The following MAGI2 variants were observed in gnomAD, a reference collection of about 807,000 sequenced individuals.
MAGI2 encodes the protein membrane associated guanylate kinase, WW and PDZ domain containing 2.
A neutral mutation model predicts 133.3 loss-of-function variants in MAGI2; 35 were observed. The ratio of observed to expected loss-of-function variants is 0.26; its 90% CI spans 0.20 to 0.35. MAGI2 has a LOEUF of 0.35. Ranked by LOEUF, MAGI2 falls within the 10% of genes least tolerant of loss-of-function variation. The probability of loss-of-function intolerance (pLI) is 1.00; values close to 1 mark genes in which losing one functional copy is unlikely to be tolerated. For missense variants in MAGI2, 1,636 were observed against 1,863.4 expected (o/e 0.88, Z 2.25); for synonymous variants, 729 against 710.6 (o/e 1.03, Z -0.41).
intron 1 of MAGI2, among the ~76,000 whole-genome samples, chr7:79,264,031 A>G (rs749485790): frequency 6.6e-6 from 1 of 152,180 alleles, no homozygotes. Context: ...TAAAATTTTC[A>G]AGAAGCCACC....
intron 1 of MAGI2, among the ~76,000 whole-genome samples, chr7:79,183,861 C>T (rs1405826980): frequency 3.3e-5 from 5 of 151,702 alleles, no homozygotes; most frequent in Non-Finnish European, 1.5e-5. Context: ...GAGTGTATTA[C>T]ATTAAGTAAA....
chr7:79,391,102 A>T (rs1188049629), intron 1 of MAGI2, among the ~76,000 whole-genome samples: 2 of 152,210 alleles, frequency 1.3e-5, no homozygotes, highest in Non-Finnish European at 1.5e-5. Context: ...CAGTTTTTAC[A>T]TAAAGAACTT....
chr7:79,316,526 A>T (rs1218496210), intron 1 of MAGI2, among the ~76,000 whole-genome samples: 1 of 152,198 alleles, frequency 6.6e-6, no homozygotes, highest in Non-Finnish European at 1.5e-5. Flanking sequence ...TCTGTATTTG[A>T]AGAAACTTTT....
At chr7:78,169,785 C>T (rs1248700766) in intron 14 of MAGI2, among the ~76,000 whole-genome samples, 1 of 152,240 alleles carries the variant, frequency 6.6e-6, no homozygotes, top group Non-Finnish European at 1.5e-5. Flanking sequence ...AGACTGGCTG[C>T]ACAGTGCAGT....
intron 2 of MAGI2, among the ~76,000 whole-genome samples, chr7:78,888,606 C>A (rs1182863545): frequency 6.6e-6 from 1 of 152,206 alleles, no homozygotes; most frequent in East Asian, 1.9e-4. Flanking sequence ...ACTGCTGATA[C>A]CCATGCAAAC....
chr7:78,779,163 C>A (rs1479553743), intron 2 of MAGI2, among the ~76,000 whole-genome samples: 1 of 152,130 alleles, frequency 6.6e-6, no homozygotes, highest in African/African-American at 2.4e-5. Flanking sequence ...GCTTCGGCAT[C>A]CCAAAGTGCT....
At chr7:78,921,270 G>A (rs1799201154) in intron 2 of MAGI2, among the ~76,000 whole-genome samples, 1 of 152,030 alleles carries the variant, frequency 6.6e-6, no homozygotes, top group African/African-American at 2.4e-5. Context: ...TTATGCTTAG[G>A]TGCTATGACC....
chr7:78,251,915 A>T (rs965621075), intron 10 of MAGI2: 5 of 152,144 alleles, frequency 3.3e-5, no homozygotes, highest in Non-Finnish European at 7.4e-5. Flanking sequence ...TAGAGGCAGG[A>T]GGATTGCGTG....
chr7:78,282,570 C>A (rs897867309), intron 9 of MAGI2, among the ~76,000 whole-genome samples: 1 of 152,046 alleles, frequency 6.6e-6, no homozygotes, highest in Non-Finnish European at 1.5e-5. Context: ...TGTTTGCTGA[C>A]CCCTGCCTTA....
At chr7:78,501,445 A>G in intron 5 of MAGI2, 132 bp downstream of exon 5, 1 of 761,694 alleles carries the variant, frequency 1.3e-6, no homozygotes, top group South Asian at 1.9e-5. Flanking sequence ...CTATTCTCTC[A>G]CAAATAAAAA....
chr7:78,285,756 T>C (rs986878529), intron 9 of MAGI2: 2 of 152,072 alleles, frequency 1.3e-5, no homozygotes, highest in Non-Finnish European at 2.9e-5. Flanking sequence ...CTGCGTGGGG[T>C]CCAAGATTCT....
Position 79,453,415 on chromosome 7 carries a change from G to A in MAGI2, c.-95C>T, listed in dbSNP as rs972649817. The A allele has an allele frequency of 1.9e-5, 29 of 1,508,098 alleles. No homozygotes were observed. Among genetic ancestry groups the A allele is most frequent in the African/African-American group, 7.0e-5 (5 of 71,602 alleles). 93.4% of individuals were successfully genotyped at this position (1,508,098 alleles called of 1,614,324 possible). A position where few individuals can be genotyped will look rare whatever the true frequency, so the allele number is the denominator to read the frequency against. ...GATGGAGGAGCAAGGGGGCCCAGGG[G>A]GAAGAACAGCAGACTTTGCCTTCGC... On this transcript the variant is annotated 5_prime_UTR_variant, in exon 1 of 22. Transcript: ENST00000354212.
At chr7:78,532,773 T>A (rs912911938) in intron 3 of MAGI2, among the ~76,000 whole-genome samples, 1 of 152,200 alleles carries the variant, frequency 6.6e-6, no homozygotes, top group Non-Finnish European at 1.5e-5. Context: ...AAATTTTCTT[T>A]AGCCTTTTGG....
At chr7:79,074,849 G>A (rs972289061) in intron 1 of MAGI2, among the ~76,000 whole-genome samples, 3 of 152,150 alleles carry the variant, frequency 2.0e-5, no homozygotes, top group Non-Finnish European at 2.9e-5. Context: ...ATTCAGCTAC[G>A]ATATAGAGAC....
rs768484578 is a variant in MAGI2, at chr7:78,018,078, G to A, written c.*1237C>T. The A allele has an allele frequency of 7.2e-5, 11 of 152,156 alleles. No individual in the cohort carries two copies. Among genetic ancestry groups the A allele is most frequent in the Non-Finnish European group, 1.5e-4 (10 of 68,034 alleles). The allele number at this position is 152,156 out of a possible 1,614,324, so 9.4% of individuals were successfully genotyped here. A position where few individuals can be genotyped will look rare whatever the true frequency, so the allele number is the denominator to read the frequency against. ...AAAGGCAAGACTTAGAATTTTACTA[G>A]GAGGTCAATCATAGATCCATGAAGA... On this transcript the variant is annotated 3_prime_UTR_variant, in exon 22 of 22. Transcript: ENST00000354212.
chr7:78,076,621 T>C (rs892458257), intron 21 of MAGI2, among the ~76,000 whole-genome samples: 1 of 143,096 alleles, frequency 7.0e-6, no homozygotes, highest in Admixed American at 6.9e-5. Context: ...CCGAGGCGGG[T>C]GGATCATGAG....
At chr7:79,020,131 T>C (rs1584700179) in intron 1 of MAGI2, among the ~76,000 whole-genome samples, 1 of 152,132 alleles carries the variant, frequency 6.6e-6, no homozygotes, top group East Asian at 1.9e-4. Context: ...GAGGAACTTG[T>C]TGGGAACAGG....
chr7:79,001,148 C>T (rs192903396), intron 2 of MAGI2, among the ~76,000 whole-genome samples: 18 of 152,276 alleles, frequency 1.2e-4, no homozygotes, highest in African/African-American at 3.6e-4. Flanking sequence ...ATCTCTTGAC[C>T]TTGTGATCCT....
intron 2 of MAGI2, among the ~76,000 whole-genome samples, chr7:79,002,889 G>T (rs574921543): frequency 1.0e-4 from 15 of 150,018 alleles, no homozygotes; most frequent in Non-Finnish European, 1.9e-4. Flanking sequence ...GTGTGTGTGT[G>T]TGTGTGTGTG....
Sources: gnomAD v4.1 joint callset for allele counts (sites outside exome capture counted in the v4.1 genomes callset) on GRCh38, gnomAD v4.1.1 for gene constraint, MANE v1.5 for transcripts, NCBI Gene and HGNC (gene_info 2026-07-23, HGNC 2026-07-21) for gene names.